Variants in NUTM2D observed in about 807,000 individuals in gnomAD.
NUTM2D encodes the protein NUT family member 2A pseudogene.
In NUTM2D, 2 loss-of-function variants were observed where a neutral mutation model predicts 43.5. The ratio of observed to expected loss-of-function variants is 0.05; its 90% CI spans 0.02 to 0.14. NUTM2D has a LOEUF of 0.14. Among genes scored for constraint, NUTM2D ranks in the 10% least tolerant of loss-of-function variants. The pLI, the probability that NUTM2D is intolerant of heterozygous loss-of-function variation, is 1.00. For missense variants in NUTM2D, 48 were observed against 668.7 expected (o/e 0.07, Z 10.24); for synonymous variants, 24 against 276.6 (o/e 0.09, Z 9.06).
chr10:87,365,400 G>A (rs1203101423), intron 5 of NUTM2D, among the ~76,000 whole-genome samples, 197 bp downstream of exon 5: 2 of 149,748 alleles, frequency 1.3e-5, no homozygotes, highest in African/African-American at 4.9e-5. Context: ...GTCTTTGTGT[G>A]TCTGTGTGGG....
intron 5 of NUTM2D, among the ~76,000 whole-genome samples, 181 bp from the exon 6 acceptor site, chr10:87,365,508 C>CTG (rs1461693396): frequency 1.6e-5 from 2 of 125,888 alleles, no homozygotes; most frequent in Non-Finnish European, 3.4e-5. Flanking sequence ...GTGTCTCTGT[C>CTG]TGTGTGTGTG....
At position 87,364,901 on chromosome 10, in the gene NUTM2D, G is replaced by T; in HGVS notation, c.1216G>T (p.Ala406Ser). ...CAGGCCCCAGAGGCCAGTGACCAAG[G>T]CCCGCCGGCCACCACCCCGGCCCCA... ...PPRPQRPVTK[A>S]RRPPPRPHRR... The change falls in exon 5 of 7, where the codon GCC becomes TCC. Residue 406 changes from alanine (A) to serine (S), a missense_variant. Ala to Ser is a moderately conservative substitution (Grantham distance 99). Coordinates refer to ENST00000381697, the MANE Select transcript of NUTM2D (RefSeq NM_001382304.1). 4.2e-6 allele frequency: 3 copies of T among 717,348 alleles called. No individual in the cohort carries two copies. The highest frequency in any genetic ancestry group is 6.1e-6 in the Non-Finnish European group (3 of 489,598). 44.4% of individuals were successfully genotyped at this position (717,348 alleles called of 1,614,324 possible).
At chr10:87,359,957 G>A (rs1194094760) in intron 1 of NUTM2D, among the ~76,000 whole-genome samples, 2 of 152,260 alleles carry the variant, frequency 1.3e-5, no homozygotes, top group Non-Finnish European at 2.9e-5. Context: ...TCCATCCAGT[G>A]GTTTTGTTTT....
intron 1 of NUTM2D, among the ~76,000 whole-genome samples, chr10:87,360,184 G>A (rs1850251281): frequency 1.1e-5 from 1 of 90,772 alleles, no homozygotes; most frequent in Admixed American, 1.1e-4. Context: ...CTTGGGAGAT[G>A]CCTGTGAGGC....
At chr10:87,359,870 G>A (rs1850247715) in intron 1 of NUTM2D, among the ~76,000 whole-genome samples, 1 of 152,254 alleles carries the variant, frequency 6.6e-6, no homozygotes, top group Non-Finnish European at 1.5e-5. Context: ...GGTGGTGCCA[G>A]GACAATCACT....
At chr10:87,370,118 A>G (rs1050769104), downstream of NUTM2D, 10 of 152,224 alleles carry the variant, frequency 6.6e-5, no homozygotes, top group Non-Finnish European at 1.0e-4. Flanking sequence ...TGGCATCTAC[A>G]TTTTTAGTAT....
downstream of NUTM2D, chr10:87,370,401 C>A (rs1402227285): frequency 6.6e-6 from 1 of 152,156 alleles, no homozygotes; most frequent in Non-Finnish European, 1.5e-5. Context: ...TGTACATGAA[C>A]CATTTTATAT....
At chr10:87,369,630 T>G (rs1208060383), downstream of NUTM2D, 1 of 152,092 alleles carries the variant, frequency 6.6e-6, no homozygotes, top group Non-Finnish European at 1.5e-5. Context: ...GTATCACACA[T>G]GAACCAGGAG....
intron 5 of NUTM2D, 143 bp downstream of exon 5, chr10:87,365,346 T>C (rs576406586): frequency 1.3e-6 from 2 of 1,501,774 alleles, no homozygotes; most frequent in African/African-American, 1.4e-5. Context: ...ATTGTGTGTG[T>C]CTGTGTGTTG....
chr10:87,369,581 CCTTTA>C (rs1327454080), downstream of NUTM2D: 3 of 152,128 alleles, frequency 2.0e-5, no homozygotes, highest in Non-Finnish European at 2.9e-5. Flanking sequence ...AAGGCTCAGC[CCTTTA>C]CAACTGTCAG....
chr10:87,365,223 T>C lies in NUTM2D; in HGVS notation c.1518+20T>C, dbSNP rs1564646988. ...ACCAAGGTGGGCTGGCCTGGAGTGC[T>C]GGGGTCTGCTGGATTCCAGGGGGTG... On this transcript the variant is annotated intron_variant, in intron 5 of 6. Coordinates refer to ENST00000381697, the MANE Select transcript of NUTM2D (RefSeq NM_001382304.1). 3 of 1,483,376 alleles carry C rather than the reference T, an allele frequency of 2.0e-6. No homozygotes were observed. The East Asian group carries it at 7.1e-5, about 35-fold the overall frequency. The allele number at this position is 1,483,376 out of a possible 1,614,324, so 91.9% of individuals were successfully genotyped here.
At chr10:87,365,479 GTGTCTGTGTGTGGTTTGTGTGTCTC>G (rs1850286906) in intron 5 of NUTM2D, among the ~76,000 whole-genome samples, 185 bp from the exon 6 acceptor site, 1 of 121,144 alleles carries the variant, frequency 8.3e-6, no homozygotes, top group Non-Finnish European at 1.7e-5. Flanking sequence ...GTCTGTTTGT[GTGTCTGTGTGTGGTTTGTGTGTCTC>G]TGTCTGTGTG....
rs1413713596 is a variant in NUTM2D at position 87,361,590 on chromosome 10, G to A, written c.866+410G>A. ...TGGGGCCGGGGGAAGGAGCTGCAGG[G>A]CCCAGCAGGAACCTGGCACATGCCC... On this transcript the variant is annotated intron_variant, in intron 2 of 6. Coordinates refer to ENST00000381697, the MANE Select transcript of NUTM2D (RefSeq NM_001382304.1). Among the ~76,000 whole-genome samples, 8 of 52,900 alleles carry A rather than the reference G, an allele frequency of 1.5e-4. 4 individuals carry two copies. Among genetic ancestry groups the A allele is most frequent in the Admixed American group, 1.5e-3 (6 of 4,062 alleles). 34.7% of individuals were successfully genotyped at this position (52,900 alleles called of 152,430 possible). A position where few individuals can be genotyped will look rare whatever the true frequency, so the allele number is the denominator to read the frequency against.
Position 87,358,378 on chromosome 10 carries a change from A to C in NUTM2D, c.113A>C (p.Asn38Thr). The change falls in exon 1 of 7, where the codon AAC (asparagine) becomes ACC (threonine). Residue 38 changes from asparagine (N) to threonine (T), a missense_variant. Coordinates refer to ENST00000381697, the MANE Select transcript of NUTM2D (RefSeq NM_001382304.1). Reference sequence around the variant, plus strand: ...ACCCTTGGCTTTTCTCATTGTGGAAACTGCCAGACAGCGGTAGTCAGTGCC... The same window carrying C: ...ACCCTTGGCTTTTCTCATTGTGGAACCTGCCAGACAGCGGTAGTCAGTGCC... ...GLTLGFSHCG[N>T]CQTAVVSAQP... 1 of 1,614,044 alleles carries C rather than the reference A, an allele frequency of 6.2e-7. No individual in the cohort carries two copies. Among genetic ancestry groups the C allele is most frequent in the Non-Finnish European group, 8.5e-7 (1 of 1,180,014 alleles).
chr10:87,370,219 G>GT (rs1488658464), downstream of NUTM2D: 1 of 151,974 alleles, frequency 6.6e-6, no homozygotes, highest in Non-Finnish European at 1.5e-5. Context: ...GAACGTTTGG[G>GT]TTTTTTTCAC....
chr10:87,369,333 G>A (rs1850332521), downstream of NUTM2D: 2 of 152,166 alleles, frequency 1.3e-5, no homozygotes, highest in Admixed American at 6.5e-5. Context: ...CTGAGAAGGC[G>A]GCCATCTGCA....
At chr10:87,367,273 T>G (rs540583263), downstream of NUTM2D, 23 of 1,582,768 alleles carry the variant, frequency 1.5e-5, 1 homozygote, top group African/African-American at 1.5e-4. Context: ...GCAGAGGAAC[T>G]GGCAGATGCC....
downstream of NUTM2D, chr10:87,370,358 T>C (rs1194085629): frequency 1.3e-5 from 2 of 152,230 alleles, no homozygotes; most frequent in Admixed American, 1.3e-4. Flanking sequence ...ACTCTGTGTT[T>C]AACCATTTCA....
downstream of NUTM2D, chr10:87,369,820 C>A (rs917166145): frequency 6.6e-6 from 1 of 151,612 alleles, no homozygotes; most frequent in South Asian, 2.1e-4. Flanking sequence ...GCTGGGGTGG[C>A]CCCTGGCAGG....
Sources: gnomAD v4.1 joint callset for allele counts (sites outside exome capture counted in the v4.1 genomes callset) on GRCh38, gnomAD v4.1.1 for gene constraint, MANE v1.5 for transcripts, NCBI Gene and HGNC (gene_info 2026-07-23, HGNC 2026-07-21) for gene names.